The following KIAA0319 variants were observed in gnomAD, a reference collection of about 807,000 sequenced individuals.
The protein encoded by KIAA0319 is dyslexia-associated protein KIAA0319.
In KIAA0319, 83 loss-of-function variants were observed where a neutral mutation model predicts 108.4. The ratio of observed to expected loss-of-function variants is 0.77; its 90% CI spans 0.64 to 0.92. The LOEUF is 0.92. Ranked by LOEUF, KIAA0319 falls within the 40% of genes least tolerant of loss-of-function variation. The pLI, the probability that KIAA0319 is intolerant of heterozygous loss-of-function variation, is 0.00. For missense variants in KIAA0319, 1,195 were observed against 1,322.4 expected (o/e 0.90, Z 1.49); for synonymous variants, 484 against 510.4 (o/e 0.95, Z 0.70).
At chr6:24,608,935 A>G (rs1411490611) in intron 1 of KIAA0319, among the ~76,000 whole-genome samples, 1 of 115,172 alleles carries the variant, frequency 8.7e-6, no homozygotes, top group Non-Finnish European at 2.1e-5. Flanking sequence ...CGTCTCAAAA[A>G]AAAAAAAAAA....
At chr6:24,598,100 G>C in intron 2 of KIAA0319, 1 of 440,394 alleles carries the variant, frequency 2.3e-6, no homozygotes, top group South Asian at 1.9e-5. Context: ...AGCTGGCCTG[G>C]TGCCAGCATC....
chr6:24,618,649 C>T (rs993702812), intron 1 of KIAA0319, among the ~76,000 whole-genome samples: 1 of 151,430 alleles, frequency 6.6e-6, no homozygotes, highest in South Asian at 2.1e-4. Flanking sequence ...CAAAAACACA[C>T]AAAAAGTACA....
chr6:24,557,328 C>T (rs1369176524), intron 17 of KIAA0319, among the ~76,000 whole-genome samples: 2 of 152,072 alleles, frequency 1.3e-5, no homozygotes, highest in Non-Finnish European at 2.9e-5. Context: ...ATAGCGAAAC[C>T]CCACCTCTAC....
intron 1 of KIAA0319, among the ~76,000 whole-genome samples, chr6:24,602,330 A>G (rs1445155756): frequency 1.3e-5 from 2 of 152,184 alleles, no homozygotes; most frequent in Non-Finnish European, 2.9e-5. Context: ...GAATTCTAAC[A>G]CATAAATATT....
At chr6:24,556,935 A>C (rs1762383032) in intron 17 of KIAA0319, among the ~76,000 whole-genome samples, 1 of 152,220 alleles carries the variant, frequency 6.6e-6, no homozygotes, top group Non-Finnish European at 1.5e-5. Flanking sequence ...AAGCCAGTCC[A>C]CACCACGCAG....
rs780028923 is a variant in KIAA0319 at position 24,596,408 on chromosome 6, TCA to T, written c.264_265del (p.Cys88Ter). The T allele has an allele frequency of 5.0e-6, 8 of 1,614,090 alleles. No individual in the cohort carries two copies. The highest frequency in any genetic ancestry group is 4.0e-5 in the African/African-American group (3 of 74,936). ...CCTGATGGGGCCCATCTTCTTGGGC[TCA>T]CAGTTCTCTTTGTGGGGGCAGCTCA... is the stretch of plus-strand genomic sequence containing the variant. On this transcript the variant is annotated stop_gained and frameshift_variant, in exon 3 of 21. Transcript: ENST00000378214. LOFTEE classifies it high-confidence loss of function.
chr6:24,589,309 A>T (rs558588309), intron 3 of KIAA0319, among the ~76,000 whole-genome samples: 21 of 152,146 alleles, frequency 1.4e-4, no homozygotes, highest in Non-Finnish European at 2.8e-4. Flanking sequence ...ATAAATCAAG[A>T]AACCCTCGCC....
At chr6:24,605,103 A>C (rs1771214178) in intron 1 of KIAA0319, among the ~76,000 whole-genome samples, 1 of 152,204 alleles carries the variant, frequency 6.6e-6, no homozygotes, top group Non-Finnish European at 1.5e-5. Flanking sequence ...GGCCTCCCAA[A>C]GTGCTGGGAT....
intron 2 of KIAA0319, chr6:24,598,368 G>A: frequency 3.1e-6 from 2 of 645,080 alleles, no homozygotes; most frequent in Non-Finnish European, 5.8e-6. Flanking sequence ...TATGGTTCCT[G>A]GAGCAGCAGA....
intron 1 of KIAA0319, among the ~76,000 whole-genome samples, chr6:24,625,998 G>C (rs1234620173): frequency 6.6e-6 from 1 of 152,164 alleles, no homozygotes; most frequent in Non-Finnish European, 1.5e-5. Flanking sequence ...TATCTATCCG[G>C]TGGAATATTA....
intron 1 of KIAA0319, among the ~76,000 whole-genome samples, chr6:24,627,291 G>A (rs1774843220): frequency 6.6e-6 from 1 of 152,122 alleles, no homozygotes; most frequent in Admixed American, 6.5e-5. Context: ...AATGCGCTGG[G>A]GATGATGTTA....
intron 1 of KIAA0319, among the ~76,000 whole-genome samples, chr6:24,614,359 T>TG (rs1772840336): frequency 6.6e-6 from 1 of 152,154 alleles, no homozygotes; most frequent in South Asian, 2.1e-4. Flanking sequence ...AAGCCAGTTA[T>TG]CTATGCAGCC....
chr6:24,621,298 T>C (rs1456139072), intron 1 of KIAA0319, among the ~76,000 whole-genome samples: 2 of 152,194 alleles, frequency 1.3e-5, no homozygotes, highest in Non-Finnish European at 2.9e-5. Context: ...CTACTCATAG[T>C]TCCTTAACAC....
Position 24,645,840 on chromosome 6 carries a change from TACACACACAC to T in KIAA0319, c.-220_-211del, listed in dbSNP as rs70974925. 0.039 allele frequency: 5,462 copies of T among 140,298 alleles called. 157 individuals are homozygous for T. Among genetic ancestry groups the T allele is most frequent in the Admixed American group, 0.054 (760 of 14,190 alleles). 8.7% of individuals were successfully genotyped at this position (140,298 alleles called of 1,614,324 possible). On this transcript the variant is annotated 5_prime_UTR_variant, in exon 1 of 21. Coordinates refer to ENST00000378214, the MANE Select transcript of KIAA0319 (RefSeq NM_014809.4). ...TCCTCCTCGTCGTCATCGCAGGTCT[TACACACACAC>T]ACACACACACACACACACACACACA...
At chr6:24,557,044 A>C (rs1385149080) in intron 17 of KIAA0319, among the ~76,000 whole-genome samples, 7 of 152,186 alleles carry the variant, frequency 4.6e-5, no homozygotes. Flanking sequence ...ATCTCTACTA[A>C]AAATACAAAA....
In KIAA0319 at chr6:24,545,988, G is replaced by A. The variant is rs949274367; in HGVS notation, c.*1177C>T. On this transcript the variant is annotated 3_prime_UTR_variant, in exon 21 of 21. Transcript: ENST00000378214. ...GCCACCAGCCTCAGGACCAAGGGTGGATGGGGAACTACCCTGAACCAGTCA... is the reference window on the plus strand; with the variant it reads ...GCCACCAGCCTCAGGACCAAGGGTGAATGGGGAACTACCCTGAACCAGTCA... 2 of 152,232 alleles carry A rather than the reference G, an allele frequency of 1.3e-5. No homozygotes were observed. Among genetic ancestry groups the A allele is most frequent in the South Asian group, 2.1e-4 (1 of 4,832 alleles). The allele number at this position is 152,232 out of a possible 1,614,324, so 9.4% of individuals were successfully genotyped here.
intron 1 of KIAA0319, among the ~76,000 whole-genome samples, chr6:24,643,128 C>T (rs1267944667): frequency 1.3e-5 from 2 of 152,226 alleles, no homozygotes; most frequent in African/African-American, 4.8e-5. Context: ...TCTTTACCTA[C>T]TGGTGTCATT....
At chr6:24,600,319 G>T (rs143749560) in intron 2 of KIAA0319, among the ~76,000 whole-genome samples, 1 of 152,144 alleles carries the variant, frequency 6.6e-6, no homozygotes, top group African/African-American at 2.4e-5. Flanking sequence ...GGATGGAGGG[G>T]AGTAAGTGAT....
intron 7 of KIAA0319, 120 bp from the exon 8 acceptor site, chr6:24,580,070 C>A (rs1488540427): frequency 8.3e-6 from 6 of 725,210 alleles, no homozygotes; most frequent in Non-Finnish European, 1.4e-5. Flanking sequence ...GGTGTTTATC[C>A]TACAGGCCTC....
Sources: gnomAD v4.1 joint callset for allele counts (sites outside exome capture counted in the v4.1 genomes callset) on GRCh38, gnomAD v4.1.1 for gene constraint, MANE v1.5 for transcripts, NCBI Gene and HGNC (gene_info 2026-07-23, HGNC 2026-07-21) for gene names.